Variants in PDE4D observed in about 807,000 individuals in gnomAD.
PDE4D encodes the protein 3',5'-cyclic-AMP phosphodiesterase 4D.
Under a neutral mutation model 87.4 loss-of-function variants are expected in PDE4D, and 24 were observed. That is an observed-to-expected ratio of 0.27 (90% CI 0.20 to 0.39). The LOEUF is 0.39. Ranked by LOEUF, PDE4D falls within the 10% of genes least tolerant of loss-of-function variation. The pLI is 1.00. For missense variants in PDE4D, 714 were observed against 1,041.0 expected, an observed-to-expected ratio of 0.69 and a Z score of 4.32; for synonymous variants, 384 against 383.2, an observed-to-expected ratio of 1.00 and a Z score of -0.02.
At chr5:59,079,838 GGGAGAGGAGGGGAGAGGAGA>G (rs1331105418) in intron 5 of PDE4D, among the ~76,000 whole-genome samples, 1,690 of 111,280 alleles carry the variant, frequency 0.015, 45 homozygotes, top group African/African-American at 0.06. Context: ...AGGAAAGGAG[GGGAGAGGAGGGGAGAGGAGA>G]GGAGAGGAGA....
chr5:59,383,011 A>G (rs1042038996), intron 1 of PDE4D, among the ~76,000 whole-genome samples: 2 of 152,232 alleles, frequency 1.3e-5, no homozygotes, highest in Admixed American at 1.3e-4. Flanking sequence ...CGGTATCTAA[A>G]GCATGGAAGA....
intron 1 of PDE4D, among the ~76,000 whole-genome samples, chr5:60,421,124 G>A (rs951193956): frequency 3.3e-5 from 5 of 152,250 alleles, no homozygotes; most frequent in African/African-American, 1.2e-4. Flanking sequence ...TGAACAAAAG[G>A]CAGCAGAAGC....
chr5:59,028,256 A>C (rs1434643811), intron 6 of PDE4D, among the ~76,000 whole-genome samples: 2 of 152,054 alleles, frequency 1.3e-5, no homozygotes, highest in African/African-American at 2.4e-5. Context: ...TAAAACATAT[A>C]AAACACCACC....
intron 2 of PDE4D, among the ~76,000 whole-genome samples, chr5:60,118,561 T>TCGTG (rs150441384): frequency 1.2e-4 from 17 of 144,304 alleles, no homozygotes; most frequent in African/African-American, 4.3e-4. Flanking sequence ...TGGATGTAGG[T>TCGTG]TGTGTGTGTG....
chr5:59,780,409 G>A (rs1764499207), intron 1 of PDE4D, among the ~76,000 whole-genome samples: 1 of 152,182 alleles, frequency 6.6e-6, no homozygotes, highest in South Asian at 2.1e-4. Context: ...AACAATTTTA[G>A]TTGACCAAGC....
intron 3 of PDE4D, among the ~76,000 whole-genome samples, chr5:59,928,441 G>T (rs1407391362): frequency 6.6e-6 from 1 of 152,082 alleles, no homozygotes; most frequent in Non-Finnish European, 1.5e-5. Flanking sequence ...AGCCAGGTGT[G>T]GTGGTGCGCG....
chr5:59,182,268 A>T (rs932340684), intron 4 of PDE4D, among the ~76,000 whole-genome samples: 12 of 149,692 alleles, frequency 8.0e-5, no homozygotes, highest in East Asian at 2.0e-4. Context: ...TTTTTTTTTT[A>T]AAGTTTTGAG....
intron 1 of PDE4D, among the ~76,000 whole-genome samples, chr5:59,229,945 G>T (rs1038332814): frequency 2.6e-5 from 4 of 151,986 alleles, no homozygotes; most frequent in African/African-American, 9.7e-5. Flanking sequence ...ATTACAGGCA[G>T]GCGCCACCAT....
At chr5:59,681,266 GAGGATTA>G (rs1748955102) in intron 1 of PDE4D, among the ~76,000 whole-genome samples, 1 of 152,166 alleles carries the variant, frequency 6.6e-6, no homozygotes, top group Admixed American at 6.5e-5. Flanking sequence ...AGGACAGTAT[GAGGATTA>G]AGATAAATAA....
At chr5:59,194,964 T>A (rs1451032582) in intron 2 of PDE4D, among the ~76,000 whole-genome samples, 2 of 152,130 alleles carry the variant, frequency 1.3e-5, no homozygotes, top group African/African-American at 2.4e-5. Context: ...GCTGTTATGG[T>A]GGGAGGGGGT....
At chr5:59,437,537 T>C (rs1320662912) in intron 1 of PDE4D, among the ~76,000 whole-genome samples, 6 of 152,212 alleles carry the variant, frequency 3.9e-5, no homozygotes, top group Non-Finnish European at 7.3e-5. Flanking sequence ...GTCAACTAGC[T>C]AGTTCAGCAA....
intron 2 of PDE4D, among the ~76,000 whole-genome samples, chr5:60,032,372 T>C (rs1218133831): frequency 6.6e-6 from 1 of 152,234 alleles, no homozygotes; most frequent in African/African-American, 2.4e-5. Flanking sequence ...TACTTCTCTA[T>C]TGCGTTCTTA....
chr5:59,273,151 GTC>G (rs1182755057), intron 1 of PDE4D, among the ~76,000 whole-genome samples: 1 of 152,110 alleles, frequency 6.6e-6, no homozygotes, highest in Non-Finnish European at 1.5e-5. Context: ...AAAGTTTTAG[GTC>G]TCTCTCATGG....
At chr5:60,364,450 G>A (rs1194592472) in intron 1 of PDE4D, among the ~76,000 whole-genome samples, 1 of 152,046 alleles carries the variant, frequency 6.6e-6, no homozygotes, top group African/African-American at 2.4e-5. Context: ...CAACTCTATT[G>A]TAAAATATTA....
At chr5:59,643,771 G>T (rs1298925984) in intron 1 of PDE4D, among the ~76,000 whole-genome samples, 1 of 152,176 alleles carries the variant, frequency 6.6e-6, no homozygotes, top group Non-Finnish European at 1.5e-5. Flanking sequence ...GCATCCAAAT[G>T]TAGTAAATTA....
At chr5:59,837,104 G>C (rs1303488711) in intron 1 of PDE4D, among the ~76,000 whole-genome samples, 2 of 151,866 alleles carry the variant, frequency 1.3e-5, no homozygotes, top group African/African-American at 4.8e-5. Context: ...TCTCATTCAA[G>C]GCTTCCTTCA....
intron 2 of PDE4D, among the ~76,000 whole-genome samples, chr5:60,150,085 T>C (rs992532833): frequency 2.0e-5 from 3 of 149,102 alleles, no homozygotes; most frequent in African/African-American, 7.3e-5. Flanking sequence ...TATATAGAAT[T>C]ATATATACTA....
intron 11 of PDE4D, among the ~76,000 whole-genome samples, chr5:58,982,575 C>G (rs889320110): frequency 5.3e-5 from 8 of 152,156 alleles, no homozygotes; most frequent in African/African-American, 1.9e-4. Flanking sequence ...CTACCCTTTC[C>G]ACCATGGAAG....
At chr5:60,517,175 AG>A (rs1218906857) in intron 1 of PDE4D, among the ~76,000 whole-genome samples, 2 of 152,196 alleles carry the variant, frequency 1.3e-5, no homozygotes, top group Non-Finnish European at 2.9e-5. Flanking sequence ...CTGACACACC[AG>A]CCCCCTGTTG....
Sources: allele counts gnomAD v4.1 joint callset (sites outside exome capture counted in the v4.1 genomes callset), GRCh38; gene constraint gnomAD v4.1.1; transcripts MANE v1.5; gene names NCBI Gene and HGNC (gene_info 2026-07-23, HGNC 2026-07-21).